The following PLPP1 variants were observed in gnomAD, a reference collection of about 807,000 sequenced individuals.
PLPP1 encodes the protein lipid phosphate phosphohydrolase 1a.
A neutral mutation model predicts 31.2 loss-of-function variants in PLPP1; 24 were observed. That is an observed-to-expected ratio of 0.77 (90% CI 0.56 to 1.08). The LOEUF is 1.08. PLPP1 is among the 50% of genes least tolerant of loss of function. PLPP1 has a pLI of 0.00. For synonymous variants in PLPP1, 146 were observed against 126.3 expected (o/e 1.16, Z -1.05); for missense variants, 319 against 342.7 (o/e 0.93, Z 0.55).
chr5:55,530,896 C>T (rs1740640079), intron 1 of PLPP1, among the ~76,000 whole-genome samples: 1 of 152,200 alleles, frequency 6.6e-6, no homozygotes, highest in South Asian at 2.1e-4. Flanking sequence ...GGGAACAAGG[C>T]GATGGTGACA....
intron 1 of PLPP1, among the ~76,000 whole-genome samples, chr5:55,518,689 C>T (rs1009920196): frequency 6.6e-6 from 1 of 152,186 alleles, no homozygotes; most frequent in African/African-American, 2.4e-5. Context: ...TGATCTCCCA[C>T]AAGTCCACTG....
At chr5:55,524,072 A>G (rs571513620) in intron 1 of PLPP1, among the ~76,000 whole-genome samples, 1 of 152,336 alleles carries the variant, frequency 6.6e-6, no homozygotes, top group South Asian at 2.1e-4. Flanking sequence ...AAAATGATGC[A>G]ATGTCAAATA....
chr5:55,482,551 T>C (rs1245105190), intron 1 of PLPP1, among the ~76,000 whole-genome samples: 3 of 151,976 alleles, frequency 2.0e-5, no homozygotes, highest in African/African-American at 4.8e-5. Flanking sequence ...GAGGTGAAAA[T>C]AAGAAATGGC....
At chr5:55,530,365 T>TA (rs1349816435) in intron 1 of PLPP1, 9 of 1,333,798 alleles carry the variant, frequency 6.7e-6, no homozygotes, top group Non-Finnish European at 9.7e-6. Flanking sequence ...TGATTACTGT[T>TA]AGAGTGATCC....
chr5:55,468,141 A>C lies in PLPP1; in HGVS notation c.219T>G (p.Leu73=), dbSNP rs769471038. 1.3e-6 allele frequency: 2 copies of C among 1,578,634 alleles called. No individual in the cohort carries two copies. Among genetic ancestry groups the C allele is most frequent in the African/African-American group, 2.7e-5 (2 of 73,440 alleles). ...TACAGTAAACAGACAGGGTTTCTCC[A>C]AGAATAATCTGAAAAAGAAACAGAA... The part of the protein sequence containing the change: ...IIPFSIIVII[L]GETLSVYCNL... The change falls in exon 3 of 6, where the codon CTT becomes CTG. Residue 73 remains leucine (L), a synonymous_variant. Transcript: ENST00000307259.
intron 1 of PLPP1, among the ~76,000 whole-genome samples, chr5:55,523,305 C>T (rs2111942030): frequency 6.6e-6 from 1 of 152,188 alleles, no homozygotes; most frequent in Middle Eastern, 3.4e-3. Context: ...CACTGCTGTA[C>T]TATCAAATAC....
At chr5:55,453,927 CA>C (rs1169045731) in intron 3 of PLPP1, among the ~76,000 whole-genome samples, 2 of 151,994 alleles carry the variant, frequency 1.3e-5, no homozygotes, top group Non-Finnish European at 2.9e-5. Context: ...GCCAACAGAG[CA>C]AGACTCTGTC....
chr5:55,476,754 A>C (rs1196261822), intron 1 of PLPP1, among the ~76,000 whole-genome samples: 4 of 152,308 alleles, frequency 2.6e-5, no homozygotes, highest in Non-Finnish European at 4.4e-5. Flanking sequence ...TAAGGCCCTA[A>C]AGGCTAAATG....
chr5:55,444,770 T>TGTGA (rs1339633741), intron 3 of PLPP1, among the ~76,000 whole-genome samples: 1 of 151,242 alleles, frequency 6.6e-6, no homozygotes, highest in Admixed American at 6.6e-5. Flanking sequence ...TGTGTGTGTG[T>TGTGA]GATGGAGTCT....
chr5:55,450,132 A>G (rs1052840277), intron 3 of PLPP1, among the ~76,000 whole-genome samples: 9 of 152,206 alleles, frequency 5.9e-5, no homozygotes, highest in Non-Finnish European at 8.8e-5. Context: ...GGTCAATTTT[A>G]ACCAAGCCAC....
At chr5:55,477,821 T>A (rs36120930) in intron 1 of PLPP1, among the ~76,000 whole-genome samples, 100,073 of 151,828 alleles carry the variant, frequency 0.66, 34,688 homozygotes, top group Non-Finnish European at 0.78. Flanking sequence ...ATATTTAGTA[T>A]AGAAATTAAA....
At chr5:55,521,258 C>T (rs1295666030) in intron 1 of PLPP1, among the ~76,000 whole-genome samples, 4 of 151,782 alleles carry the variant, frequency 2.6e-5, no homozygotes, top group African/African-American at 9.7e-5. Context: ...GAGGCTGAGG[C>T]AGGAAGATCG....
chr5:55,440,159 T>A (rs1751590120), intron 4 of PLPP1, among the ~76,000 whole-genome samples: 1 of 152,174 alleles, frequency 6.6e-6, no homozygotes, highest in Non-Finnish European at 1.5e-5. Context: ...GATTTCTAGA[T>A]TTCTCATAAA....
chr5:55,437,861 T>C (rs1225290624), intron 4 of PLPP1, among the ~76,000 whole-genome samples: 2 of 152,208 alleles, frequency 1.3e-5, no homozygotes, highest in African/African-American at 4.8e-5. Context: ...ATAATCAAGT[T>C]TGGAAAACAT....
intron 1 of PLPP1, among the ~76,000 whole-genome samples, chr5:55,507,448 C>CT (rs1459791402): frequency 1.3e-5 from 2 of 152,012 alleles, no homozygotes; most frequent in African/African-American, 4.8e-5. Context: ...CAACAGCCAA[C>CT]TAAGAAGAAA....
rs181652866 is a variant in PLPP1 at position 55,496,329 on chromosome 5, T to A, written c.59-20879A>T. Reference sequence around the variant, plus strand: ...TGACCCTAATCATAGTTCTAGGATATTTTTCTCTTAATTAAAATTTCCTTA... The same window carrying A: ...TGACCCTAATCATAGTTCTAGGATAATTTTCTCTTAATTAAAATTTCCTTA... On this transcript the variant is annotated intron_variant, in intron 1 of 5. Coordinates refer to ENST00000307259, the MANE Select transcript of PLPP1 (RefSeq NM_003711.4). 4.7e-3 allele frequency among the ~76,000 whole-genome samples: 713 copies of A among 152,264 alleles called. 1 individual carries two copies. Among genetic ancestry groups the A allele is most frequent in the Non-Finnish European group, 8.6e-3 (588 of 68,028 alleles).
intron 1 of PLPP1, among the ~76,000 whole-genome samples, chr5:55,501,534 C>T (rs577824532): frequency 6.6e-6 from 1 of 152,030 alleles, no homozygotes; most frequent in African/African-American, 2.4e-5. Flanking sequence ...GACAGAGTTT[C>T]GCTTTTGTTG....
At position 55,434,686 on chromosome 5, in the gene PLPP1, G is replaced by A. The variant is rs1326648990; in HGVS notation, c.549+7165C>T. 2.6e-5 allele frequency among the ~76,000 whole-genome samples: 4 copies of A among 152,086 alleles called. No homozygotes were observed. The East Asian group carries it at 5.8e-4, about 22-fold the overall frequency. ...AAGAACATACAATAGAGACAGTCTC[G>A]TCACTAAATGGTGCTGGGAAAATTG... On this transcript the variant is annotated intron_variant, in intron 4 of 5. Transcript: ENST00000307259.
chr5:55,518,728 C>T (rs1198790418), intron 1 of PLPP1, among the ~76,000 whole-genome samples: 1 of 152,144 alleles, frequency 6.6e-6, no homozygotes, highest in African/African-American at 2.4e-5. Flanking sequence ...CCTTATATAC[C>T]ATGTGCTCCT....
Sources: allele counts gnomAD v4.1 joint callset (sites outside exome capture counted in the v4.1 genomes callset), GRCh38; gene constraint gnomAD v4.1.1; transcripts MANE v1.5; gene names NCBI Gene and HGNC (gene_info 2026-07-23, HGNC 2026-07-21).